Variants in EED observed in about 807,000 individuals in gnomAD.
EED encodes polycomb protein EED.
A neutral mutation model predicts 61.0 loss-of-function variants in EED; 9 were observed. The observed-to-expected ratio is 0.15, with a 90% CI of 0.09 to 0.26. EED has a LOEUF of 0.26. Among genes scored for constraint, EED ranks in the 10% least tolerant of loss-of-function variants. The pLI, the probability that EED is intolerant of heterozygous loss-of-function variation, is 1.00. For missense variants in EED, 315 were observed against 542.3 expected, an observed-to-expected ratio of 0.58 and a Z score of 4.16; for synonymous variants, 187 against 174.4, an observed-to-expected ratio of 1.07 and a Z score of -0.57.
chr11:86,255,125 A>G, intron 3 of EED, 97 bp from the exon 4 acceptor site: 1 of 946,550 alleles, frequency 1.1e-6, no homozygotes, highest in Non-Finnish European at 1.6e-6. Context: ...TCTGTAGTAT[A>G]TTTAAGATAG....
chr11:86,278,834 C>G (rs920222430), downstream of EED: 2 of 231,938 alleles, frequency 8.6e-6, no homozygotes, highest in African/African-American at 4.5e-5. Context: ...TTGTAGTTCT[C>G]TTAACCAGAG....
At chr11:86,269,970 G>A (rs1946074102) in intron 9 of EED, 2 of 578,880 alleles carry the variant, frequency 3.5e-6, no homozygotes, top group Non-Finnish European at 6.2e-6. Context: ...TTGTGTCCAG[G>A]TTTTTGTGTG....
chr11:86,250,723 A>G lies in EED; in HGVS notation c.267+275A>G, dbSNP rs535308678. Among the ~76,000 whole-genome samples the G allele has an allele frequency of 2.0e-5, 3 of 152,222 alleles. No individual in the cohort carries two copies. The South Asian group carries it at 6.2e-4, about 31-fold the overall frequency. ...TTATTGTTTGCATTCAAATTATAAG[A>G]TTTGGGTAACTATTACTCTTTATAT... On this transcript the variant is annotated intron_variant, in intron 2 of 11. Coordinates refer to ENST00000263360, the MANE Select transcript of EED (RefSeq NM_003797.5).
chr11:86,246,181 T>C (rs1221619935), intron 1 of EED, among the ~76,000 whole-genome samples: 1 of 152,252 alleles, frequency 6.6e-6, no homozygotes, highest in Non-Finnish European at 1.5e-5. Flanking sequence ...TGAGTTTTAA[T>C]TGACTCGCCA....
chr11:86,245,216 G>C lies in EED; in HGVS notation c.-14G>C. ...CGCCCCAGGCGGCAGGAACCTGGAG[G>C]GAGGCGGAGGAATATGTCCGAGAGG... On this transcript the variant is annotated 5_prime_UTR_variant, in exon 1 of 12. Coordinates refer to ENST00000263360, the MANE Select transcript of EED (RefSeq NM_003797.5). The C allele has an allele frequency of 6.2e-7, 1 of 1,608,600 alleles. No individual in the cohort carries two copies. Among genetic ancestry groups the C allele is most frequent in the Non-Finnish European group, 8.5e-7 (1 of 1,176,998 alleles).
chr11:86,252,793 C>G (rs755275810), intron 3 of EED, among the ~76,000 whole-genome samples: 1 of 152,006 alleles, frequency 6.6e-6, no homozygotes, highest in Non-Finnish European at 1.5e-5. Flanking sequence ...GAGAGTCTTA[C>G]TCCTTCCTCC....
chr11:86,256,330 T>C, intron 4 of EED, 57 bp from the exon 5 acceptor site: 1 of 1,438,458 alleles, frequency 7.0e-7, no homozygotes, highest in Non-Finnish European at 9.3e-7. Flanking sequence ...TCTATTATAA[T>C]TATTGACATG....
chr11:86,248,917 G>T (rs933129620), intron 1 of EED, among the ~76,000 whole-genome samples: 1 of 152,072 alleles, frequency 6.6e-6, no homozygotes, highest in Admixed American at 6.6e-5. Flanking sequence ...AGGCTAAGGT[G>T]GGGGGAAGAT....
At chr11:86,282,628 T>TATGG (rs1311536688), downstream of EED, among the ~76,000 whole-genome samples, 1 of 152,214 alleles carries the variant, frequency 6.6e-6, no homozygotes, top group Non-Finnish European at 1.5e-5. Flanking sequence ...CCCCAACACA[T>TATGG]ATGGTAGTAC....
chr11:86,263,869 A>G (rs942779408), intron 6 of EED: 7 of 284,530 alleles, frequency 2.5e-5, no homozygotes, highest in Non-Finnish European at 4.0e-5. Context: ...GTATTAATCC[A>G]TTTGTGAGGA....
At chr11:86,274,135 A>G (rs946323454) in intron 9 of EED, among the ~76,000 whole-genome samples, 4 of 129,040 alleles carry the variant, frequency 3.1e-5, no homozygotes, top group Admixed American at 1.6e-4. Flanking sequence ...GGTAATTTCT[A>G]TTGTACTGTC....
intron 2 of EED, 56 bp from the exon 3 acceptor site, chr11:86,252,092 C>T: frequency 7.0e-7 from 1 of 1,433,438 alleles, no homozygotes; most frequent in Non-Finnish European, 9.7e-7. Flanking sequence ...AGTTTACTGT[C>T]ATTTTCTGGT....
intron 1 of EED, among the ~76,000 whole-genome samples, chr11:86,248,514 T>G (rs1593717588): frequency 1.3e-5 from 2 of 152,314 alleles, no homozygotes; most frequent in East Asian, 1.9e-4. Flanking sequence ...TGTTGAAACT[T>G]TTACTCAGAG....
At chr11:86,271,960 T>C (rs939274851) in intron 9 of EED, among the ~76,000 whole-genome samples, 4 of 148,564 alleles carry the variant, frequency 2.7e-5, no homozygotes, top group Non-Finnish European at 5.9e-5. Context: ...TTGGTACTGT[T>C]TTTTCTGGTT....
chr11:86,253,505 G>T (rs761444205), intron 3 of EED, among the ~76,000 whole-genome samples: 8 of 152,094 alleles, frequency 5.3e-5, no homozygotes, highest in African/African-American at 1.9e-4. Context: ...ACATAAAGGG[G>T]TGTCATATAG....
At chr11:86,268,641 G>A in intron 9 of EED, 80 bp downstream of exon 9, 1 of 948,606 alleles carries the variant, frequency 1.1e-6, no homozygotes, top group South Asian at 2.5e-5. Context: ...GTGTGCGCAT[G>A]TTGGAACTTG....
At position 86,250,393 on chromosome 11, in the gene EED, G is replaced by T; in HGVS notation, c.212G>T (p.Gly71Val). Residue 71 changes from glycine to valine, a missense_variant, in exon 2 of 12, where the codon GGA becomes GTA. Physicochemically the swap from Gly to Val is moderately radical, Grantham distance 109 (BLOSUM62 -3). Transcript: ENST00000263360. Reference protein sequence around the residue: ...NAPGRKSWGKGKWKSKKCKYS... With the variant: ...NAPGRKSWGKVKWKSKKCKYS... The stretch of plus-strand genomic sequence containing the variant: ...CCTGGAAGGAAAAGTTGGGGAAAGG[G>T]AAAATGGAAGTCAAAGAAATGCAAA... 6.2e-7 allele frequency: 1 copy of T among 1,608,112 alleles called. No individual in the cohort carries two copies. The highest frequency in any genetic ancestry group is 8.5e-7 in the Non-Finnish European group (1 of 1,177,538).
At position 86,278,672 on chromosome 11, in the gene EED, G is replaced by A; in HGVS notation, c.*147G>A. On this transcript the variant is annotated 3_prime_UTR_variant, in exon 12 of 12. Transcript: ENST00000263360. ...AGCTGAATGTAGTGATGTTTACATT[G>A]TTTACATTCTTTGTACTGTCTTCCT... The A allele has an allele frequency of 9.8e-7, 1 of 1,024,388 alleles. No individual in the cohort carries two copies. The highest frequency in any genetic ancestry group is 1.3e-6 in the Non-Finnish European group (1 of 746,436). The allele number at this position is 1,024,388 out of a possible 1,614,324, so 63.5% of individuals were successfully genotyped here. A position where few individuals can be genotyped will look rare whatever the true frequency, so the allele number is the denominator to read the frequency against.
intron 5 of EED, among the ~76,000 whole-genome samples, chr11:86,256,949 C>G (rs1945689965): frequency 6.6e-6 from 1 of 152,114 alleles, no homozygotes; most frequent in African/African-American, 2.4e-5. Context: ...TGGGCTACAT[C>G]ACACTCTCCT....
Sources: allele counts gnomAD v4.1 joint callset (sites outside exome capture counted in the v4.1 genomes callset), GRCh38; gene constraint gnomAD v4.1.1; transcripts MANE v1.5; gene names NCBI Gene and HGNC (gene_info 2026-07-23, HGNC 2026-07-21).